The following INSR variants were observed in gnomAD, a reference collection of about 807,000 sequenced individuals.
The protein encoded by INSR is IR.
INSR carries 67 observed loss-of-function variants against 142.6 expected under a neutral mutation model. The ratio of observed to expected loss-of-function variants is 0.47; its 90% confidence interval spans 0.39 to 0.58. The LOEUF (loss-of-function observed/expected upper bound fraction) is 0.58. INSR is among the 20% of genes least tolerant of loss of function. INSR has a pLI of 0.00. For missense variants in INSR, 1,248 were observed against 1,833.2 expected, an observed-to-expected ratio of 0.68 and a Z score of 5.83; for synonymous variants, 756 against 743.1, an observed-to-expected ratio of 1.02 and a Z score of -0.28.
intron 2 of INSR, among the ~76,000 whole-genome samples, chr19:7,260,130 C>T (rs768946215): frequency 1.2e-4 from 18 of 152,164 alleles, no homozygotes; most frequent in Non-Finnish European, 2.5e-4. Flanking sequence ...CATTTAAACT[C>T]GTGCATTTAA....
Position 7,201,822 on chromosome 19 carries a change from T to C in INSR, c.653-17185A>G, listed in dbSNP as rs1310668399. On this transcript the variant is annotated intron_variant, in intron 2 of 21. Coordinates refer to ENST00000302850, the MANE Select transcript of INSR (RefSeq NM_000208.4). ...GGACTACAGGCGCGGCCACCACGCC[T>C]AGCTAATTTTTTGTATTTTTAGTAG... 7.5e-5 allele frequency among the ~76,000 whole-genome samples: 11 copies of C among 147,152 alleles called. No homozygotes were observed. The East Asian group carries it at 1.2e-3, about 16-fold the overall frequency.
Position 7,124,961 on chromosome 19 carries a change from A to G in INSR, c.3258+322T>C, listed in dbSNP as rs537485010. 2.8e-4 allele frequency among the ~76,000 whole-genome samples: 42 copies of G among 152,118 alleles called. 2 individuals are homozygous for G. In the South Asian group the frequency reaches 8.3e-3, roughly 30 times the overall value. On this transcript the variant is annotated intron_variant, in intron 17 of 21. Coordinates refer to ENST00000302850, the MANE Select transcript of INSR (RefSeq NM_000208.4). Reference sequence around the variant, plus strand: ...AAAAAGCAATGGAAGATTGTGGAAAATGATGGAAGATTCCGGAAAGTGGTG... The same window carrying G: ...AAAAAGCAATGGAAGATTGTGGAAAGTGATGGAAGATTCCGGAAAGTGGTG...
rs1043777266 is a variant in INSR, at chr19:7,192,112, AAAAG to A, written c.653-7479_653-7476del. On this transcript the variant is annotated intron_variant, in intron 2 of 21. Transcript: ENST00000302850. This position sits in a 1 kb window ranked among gnomAD's most constrained non-coding sequence, Gnocchi z 4.2. ...GAAAGAATACAGAAAGAGAAAAAAGAAAAGAAAGAGGGAGAAAGAAGAAAGATAA... is the reference window on the plus strand; with the variant it reads ...GAAAGAATACAGAAAGAGAAAAAAGAAAAGAGGGAGAAAGAAGAAAGATAA... 8.7e-4 allele frequency among the ~76,000 whole-genome samples: 131 copies of A among 151,302 alleles called. 1 individual carries two copies. Among genetic ancestry groups the A allele is most frequent in the African/African-American group, 2.1e-3 (88 of 41,256 alleles).
At chr19:7,129,579 C>G (rs563657135) in intron 14 of INSR, among the ~76,000 whole-genome samples, 4 of 152,316 alleles carry the variant, frequency 2.6e-5, no homozygotes, top group Admixed American at 6.5e-5. Context: ...CCCGCCTCAG[C>G]CTCCGAAAGT....
At chr19:7,205,623 G>A (rs577531050) in intron 2 of INSR, among the ~76,000 whole-genome samples, 13 of 152,028 alleles carry the variant, frequency 8.6e-5, no homozygotes, top group Admixed American at 2.6e-4. Context: ...CTGTAATCCC[G>A]ATACTTTGGG....
Position 7,122,792 on chromosome 19 carries a change from G to C in INSR, c.3370-19C>G. The C allele has an allele frequency of 6.2e-7, 1 of 1,614,050 alleles. No homozygotes were observed. Among genetic ancestry groups the C allele is most frequent in the South Asian group, 1.1e-5 (1 of 91,080 alleles). Reference sequence around the variant, plus strand: ...GATTATTCTAAAACAGAAACACGGGGTTGGTGTTTCAGCAGCACTGGGATC... The same window carrying C: ...GATTATTCTAAAACAGAAACACGGGCTTGGTGTTTCAGCAGCACTGGGATC... On this transcript the variant is annotated intron_variant, in intron 18 of 21. Coordinates refer to ENST00000302850, the MANE Select transcript of INSR (RefSeq NM_000208.4).
chr19:7,266,273 C>A (rs1967721172), intron 2 of INSR, among the ~76,000 whole-genome samples: 1 of 152,130 alleles, frequency 6.6e-6, no homozygotes, highest in Admixed American at 6.6e-5. Flanking sequence ...GCACCAAGAG[C>A]CTCTGACCCA....
intron 2 of INSR, among the ~76,000 whole-genome samples, chr19:7,262,692 G>A (rs1328090839): frequency 2.0e-5 from 3 of 152,174 alleles, no homozygotes; most frequent in Admixed American, 1.3e-4. Flanking sequence ...TCCGACACAG[G>A]CTACCACGTG....
chr19:7,250,372 AGG>A (rs1976674281), intron 2 of INSR, among the ~76,000 whole-genome samples: 1 of 130,234 alleles, frequency 7.7e-6, no homozygotes, highest in South Asian at 2.5e-4. Flanking sequence ...AGGAAGGAGG[AGG>A]GAGAGAGGAA....
At chr19:7,205,406 G>A (rs1412946399) in intron 2 of INSR, among the ~76,000 whole-genome samples, 1 of 152,194 alleles carries the variant, frequency 6.6e-6, no homozygotes, top group African/African-American at 2.4e-5. Context: ...TGAGAAACCA[G>A]AGCACCAAAT....
chr19:7,291,189 T>G (rs1348786751), intron 1 of INSR, among the ~76,000 whole-genome samples: 1 of 152,154 alleles, frequency 6.6e-6, no homozygotes, highest in East Asian at 1.9e-4. Context: ...TTGTTCACCA[T>G]CACCCCAATC....
At chr19:7,224,184 C>T (rs1036023223) in intron 2 of INSR, among the ~76,000 whole-genome samples, 3 of 151,636 alleles carry the variant, frequency 2.0e-5, no homozygotes, top group Middle Eastern at 3.4e-3. Context: ...CCTCGTGATC[C>T]GCCTGCCTCA....
intron 9 of INSR, among the ~76,000 whole-genome samples, chr19:7,153,448 C>CGCCA (rs1318820847): frequency 7.5e-6 from 1 of 133,632 alleles, no homozygotes; most frequent in East Asian, 2.5e-4. Flanking sequence ...ACACACACCA[C>CGCCA]CACACCCACG....
chr19:7,230,127 T>C (rs532557736), intron 2 of INSR, among the ~76,000 whole-genome samples: 20 of 152,062 alleles, frequency 1.3e-4, no homozygotes, highest in African/African-American at 4.3e-4. Flanking sequence ...GGCCACATTC[T>C]CAGAGGCTCG....
chr19:7,191,152 A>C (rs1457013630), intron 2 of INSR, among the ~76,000 whole-genome samples: 1 of 151,926 alleles, frequency 6.6e-6, no homozygotes, highest in Non-Finnish European at 1.5e-5. Context: ...CAAAAATTAT[A>C]CAGGCGTGGT....
chr19:7,260,268 G>A (rs756491897), intron 2 of INSR, among the ~76,000 whole-genome samples: 7 of 152,118 alleles, frequency 4.6e-5, no homozygotes, highest in Non-Finnish European at 7.3e-5. Context: ...TGGTGCCGAC[G>A]TCCATATGTG....
intron 1 of INSR, among the ~76,000 whole-genome samples, chr19:7,290,814 G>A (rs949531338): frequency 8.1e-5 from 12 of 148,992 alleles, no homozygotes; most frequent in Non-Finnish European, 1.5e-4. Flanking sequence ...GCTCACTCCT[G>A]TAATCCCAAC....
At chr19:7,156,741 G>C (rs920326907) in intron 9 of INSR, among the ~76,000 whole-genome samples, 1 of 150,294 alleles carries the variant, frequency 6.7e-6, no homozygotes, top group African/African-American at 2.4e-5. Context: ...AGCTTATAAA[G>C]GTAGCAGTCC....
intron 2 of INSR, among the ~76,000 whole-genome samples, chr19:7,191,889 G>GT (rs1568475723): frequency 5.9e-5 from 4 of 67,646 alleles, no homozygotes; most frequent in Non-Finnish European, 9.4e-5. Context: ...GAAGGAGGAA[G>GT]GGAGAGAGAG....
Sources: allele counts gnomAD v4.1 joint callset (sites outside exome capture counted in the v4.1 genomes callset), GRCh38; gene constraint gnomAD v4.1.1; non-coding constraint Gnocchi (gnomAD v3.1); transcripts MANE v1.5; gene names NCBI Gene and HGNC (gene_info 2026-07-23, HGNC 2026-07-21).